Variants in GRWD1 observed in about 807,000 individuals in gnomAD.
GRWD1 encodes glutamate-rich WD repeat-containing protein 1.
In GRWD1, 29 loss-of-function variants were observed where a neutral mutation model predicts 45.3. That is an observed-to-expected ratio of 0.64 (90% CI 0.48 to 0.87). The LOEUF is 0.87. GRWD1 is among the 40% of genes least tolerant of loss of function. GRWD1 has a pLI of 0.00. For missense variants in GRWD1, 592 were observed against 618.8 expected, an observed-to-expected ratio of 0.96 and a Z score of 0.46; for synonymous variants, 262 against 257.6, an observed-to-expected ratio of 1.02 and a Z score of -0.16.
Position 48,446,201 on chromosome 19 carries a change from G to C in GRWD1, c.187+9G>C, listed in dbSNP as rs761500636. 2 of 1,591,916 alleles carry C rather than the reference G, an allele frequency of 1.3e-6. No individual in the cohort carries two copies. Among genetic ancestry groups the C allele is most frequent in the Admixed American group, 1.9e-5 (1 of 53,060 alleles). ...CCACCGAGCGCAGACTGGTAGGGCT[G>C]AGTCCGGACTCCAGGGTCCTGAGGT... On this transcript the variant is annotated intron_variant, in intron 1 of 6. Transcript: ENST00000253237.
In GRWD1 at chr19:48,446,435, C is replaced by T. The variant is rs1193297764; in HGVS notation, c.238C>T (p.Arg80Trp). 2 of 1,614,056 alleles carry T rather than the reference C, an allele frequency of 1.2e-6. No individual in the cohort carries two copies. The highest frequency in any genetic ancestry group is 1.7e-5 in the Admixed American group (1 of 59,998). ...DIVRDHLGDNRTELPLTLYLC... is the reference protein window; with the variant it reads ...DIVRDHLGDNWTELPLTLYLC... Reference sequence around the variant, plus strand: ...AGTCCGGGATCACCTGGGAGACAACCGGACAGAGCTTCCTCTTACACTTTA... The same window carrying T: ...AGTCCGGGATCACCTGGGAGACAACTGGACAGAGCTTCCTCTTACACTTTA... The change falls in exon 2 of 7, where the codon CGG (arginine) becomes TGG (tryptophan). Residue 80 changes from arginine to tryptophan, a missense_variant. Transcript: ENST00000253237.
chr19:48,447,426 A>G (rs1352545106), intron 3 of GRWD1, among the ~76,000 whole-genome samples: 4 of 152,062 alleles, frequency 2.6e-5, no homozygotes, highest in Non-Finnish European at 4.4e-5. Flanking sequence ...TATTCTTAGT[A>G]GGGACGGGGT....
chr19:48,446,523 A>G, intron 2 of GRWD1, 21 bp downstream of exon 2: 1 of 1,607,922 alleles, frequency 6.2e-7, no homozygotes, highest in Non-Finnish European at 8.5e-7. Context: ...AGGCTTTTCC[A>G]GGACCAGGAG....
rs138919242 is a variant in GRWD1 at position 48,451,368 on chromosome 19, C to A, written c.1023+137C>A. 327 of 746,866 alleles carry A rather than the reference C, an allele frequency of 4.4e-4. 1 individual carries two copies. In the African/African-American group the frequency reaches 5.1e-3, roughly 12 times the overall value. The allele number at this position is 746,866 out of a possible 1,614,324, so 46.3% of individuals were successfully genotyped here. The stretch of plus-strand genomic sequence containing the variant: ...CCTTAGAACTAGACTCCTGCCTCTT[C>A]AGGGTACAGAGGAGGAAACTGAGGC... On this transcript the variant is annotated intron_variant, in intron 6 of 6. Coordinates refer to ENST00000253237, the MANE Select transcript of GRWD1 (RefSeq NM_031485.4).
chr19:48,450,202 A>T lies in GRWD1; in HGVS notation c.469-111A>T. 1.2e-6 allele frequency: 1 copy of T among 800,348 alleles called. No individual in the cohort carries two copies. The highest frequency in any genetic ancestry group is 2.1e-6 in the Non-Finnish European group (1 of 487,748). The allele number at this position is 800,348 out of a possible 1,614,324, so 49.6% of individuals were successfully genotyped here. A position where few individuals can be genotyped will look rare whatever the true frequency, so the allele number is the denominator to read the frequency against. ...GGAGCTGTAGTCCCAGGCCTGGGAG[A>T]TCTGAGGAAGCGCACTTCTGGTTCT... On this transcript the variant is annotated intron_variant, in intron 3 of 6. Transcript: ENST00000253237. The surrounding 1 kb of genome is among the most constrained non-coding windows in gnomAD (Gnocchi z 5.1).
At chr19:48,449,680 A>G (rs991753147) in intron 3 of GRWD1, among the ~76,000 whole-genome samples, 2 of 152,112 alleles carry the variant, frequency 1.3e-5, no homozygotes, top group African/African-American at 4.8e-5. Flanking sequence ...TAAAAGCCAG[A>G]TGTGATGGTG....
intron 1 of GRWD1, 84 bp downstream of exon 1, chr19:48,446,276 G>A: frequency 6.4e-7 from 1 of 1,559,786 alleles, no homozygotes; most frequent in Non-Finnish European, 8.8e-7. Context: ...GAGAAGGCTG[G>A]GGTCTAAGAG....
At position 48,446,197 on chromosome 19, in the gene GRWD1, G is replaced by T. The variant is rs1396180312; in HGVS notation, c.187+5G>T. On this transcript the variant is annotated splice_donor_5th_base_variant and intron_variant, in intron 1 of 6. Transcript: ENST00000253237. ...TCTACCACCGAGCGCAGACTGGTAGGGCTGAGTCCGGACTCCAGGGTCCTG... is the reference window on the plus strand; with the variant it reads ...TCTACCACCGAGCGCAGACTGGTAGTGCTGAGTCCGGACTCCAGGGTCCTG... The T allele has an allele frequency of 6.3e-7, 1 of 1,592,386 alleles. No individual in the cohort carries two copies. The highest frequency in any genetic ancestry group is 8.5e-7 in the Non-Finnish European group (1 of 1,172,354).
rs750221357 is a variant in GRWD1, at chr19:48,451,217, C to G, written c.1009C>G (p.Leu337Val). 6.3e-7 allele frequency: 1 copy of G among 1,595,860 alleles called. No homozygotes were observed. Among genetic ancestry groups the G allele is most frequent in the Admixed American group, 1.7e-5 (1 of 58,040 alleles). Residue 337 changes from leucine (L) to valine (V), a missense_variant, in exon 6 of 7, where the codon CTT becomes GTT. By Grantham distance (32) the Leu-to-Val change is conservative. Coordinates refer to ENST00000253237, the MANE Select transcript of GRWD1 (RefSeq NM_031485.4). ...TGATGGGGCCCTCAAGATCTGGGAC[C>G]TTCGGCAGTTCAAGGTATTTTCCCA... ...GDDGALKIWDLRQFKSGSPVA... is the reference protein window; with the variant it reads ...GDDGALKIWDVRQFKSGSPVA...
chr19:48,453,751 T>C lies in GRWD1; in HGVS notation c.*726T>C, dbSNP rs1222317103. ...TCCAACACAATTTGCTTCTGCCCGT[T>C]GTCTTCCTGCCAGCTGGGTTTGGCC... is the stretch of plus-strand genomic sequence containing the variant. On this transcript the variant is annotated 3_prime_UTR_variant, in exon 7 of 7. Transcript: ENST00000253237. 6.6e-6 allele frequency: 1 copy of C among 152,284 alleles called. No individual in the cohort carries two copies. The highest frequency in any genetic ancestry group is 1.5e-5 in the Non-Finnish European group (1 of 68,100). 9.4% of individuals were successfully genotyped at this position (152,284 alleles called of 1,614,324 possible). A position where few individuals can be genotyped will look rare whatever the true frequency, so the allele number is the denominator to read the frequency against.
In GRWD1 at chr19:48,447,631, T is replaced by C. The variant is rs117243259; in HGVS notation, c.468+788T>C. On this transcript the variant is annotated intron_variant, in intron 3 of 6. Transcript: ENST00000253237. ...ACCTCGAGTGATTGATCCGCACGCC[T>C]CGGGCACCCAAAGTCATGGGATTAC... 1.5e-3 allele frequency among the ~76,000 whole-genome samples: 221 copies of C among 152,276 alleles called. 4 individuals are homozygous for C. In the East Asian group the frequency reaches 0.033, roughly 23 times the overall value.
rs1971494494 is a variant in GRWD1, at chr19:48,453,033, C to T, written c.*8C>T. 1 of 1,564,562 alleles carries T rather than the reference C, an allele frequency of 6.4e-7. No homozygotes were observed. The highest frequency in any genetic ancestry group is 8.7e-7 in the Non-Finnish European group (1 of 1,150,810). ...CGCACCATCAGCGTCTGAGGCGTCC[C>T]ACTGGCTCTGATCTTGCTTCCTGCT... is the stretch of plus-strand genomic sequence containing the variant. On this transcript the variant is annotated 3_prime_UTR_variant, in exon 7 of 7. Transcript: ENST00000253237.
In GRWD1 at chr19:48,452,680, GC is replaced by G; in HGVS notation, c.1024-25del. On this transcript the variant is annotated intron_variant, in intron 6 of 6. Coordinates refer to ENST00000253237, the MANE Select transcript of GRWD1 (RefSeq NM_031485.4). This position sits in a 1 kb window ranked among gnomAD's most constrained non-coding sequence, Gnocchi z 5.1. ...CCAGAGTCAGGCTGAGGCATTCAGA[GC>G]CCGTTCCTCCCATCCTCTCCCTCTA... 6.5e-7 allele frequency: 1 copy of G among 1,531,910 alleles called. No homozygotes were observed. The highest frequency in any genetic ancestry group is 8.8e-7 in the Non-Finnish European group (1 of 1,131,364). 94.9% of individuals were successfully genotyped at this position (1,531,910 alleles called of 1,614,324 possible). A position where few individuals can be genotyped will look rare whatever the true frequency, so the allele number is the denominator to read the frequency against.
rs777708503 is a variant in GRWD1, at chr19:48,450,400, G to A, written c.556G>A (p.Val186Met). The part of the protein sequence containing the change: ...EVFALRRLLQ[V>M]VEEPQALAAF... ...GTTTGCGCTGCGGCGGCTTCTGCAGGTGGTGGAGGAGCCCCAGGCCCTGGC... is the reference window on the plus strand; with the variant it reads ...GTTTGCGCTGCGGCGGCTTCTGCAGATGGTGGAGGAGCCCCAGGCCCTGGC... Residue 186 changes from valine to methionine, a missense_variant, in exon 4 of 7, where the codon GTG becomes ATG. Transcript: ENST00000253237. This position sits in a 1 kb window ranked among gnomAD's most constrained non-coding sequence, Gnocchi z 5.1. The A allele has an allele frequency of 1.9e-6, 3 of 1,613,918 alleles. No individual in the cohort carries two copies. Among genetic ancestry groups the A allele is most frequent in the Non-Finnish European group, 2.5e-6 (3 of 1,179,986 alleles).
rs1305349115 is a variant in GRWD1, at chr19:48,446,001, C to T, written c.-5C>T. ...ACCGGGTGTCAGCAGCGAGAGGGTT[C>T]GAAGATGGCGGCGCGCAAGGGTCGG... is the stretch of plus-strand genomic sequence containing the variant. On this transcript the variant is annotated 5_prime_UTR_variant, in exon 1 of 7. Transcript: ENST00000253237. 4 of 1,577,952 alleles carry T rather than the reference C, an allele frequency of 2.5e-6. No homozygotes were observed. Among genetic ancestry groups the T allele is most frequent in the East Asian group, 2.3e-5 (1 of 43,320 alleles).
At position 48,452,823 on chromosome 19, in the gene GRWD1, A is replaced by G. The variant is rs767313528; in HGVS notation, c.1139A>G (p.Gln380Arg). 2 of 1,613,676 alleles carry G rather than the reference A, an allele frequency of 1.2e-6. No individual in the cohort carries two copies. The highest frequency in any genetic ancestry group is 1.1e-5 in the South Asian group (1 of 91,054). Residue 380 changes from glutamine to arginine, a missense_variant, in exon 7 of 7, where the codon CAG becomes CGG. By Grantham distance (43) the Gln-to-Arg change is conservative (BLOSUM62 1). Coordinates refer to ENST00000253237, the MANE Select transcript of GRWD1 (RefSeq NM_031485.4). This position sits in a 1 kb window ranked among gnomAD's most constrained non-coding sequence, Gnocchi z 5.1. ...AASGADHQIT[Q>R]WDLAVERDPE... ...TCGGGTGCAGACCACCAGATCACAC[A>G]GTGGGACCTGGCAGTGGAGCGGGAC... is the stretch of plus-strand genomic sequence containing the variant.
Position 48,452,012 on chromosome 19 carries a change from A to G in GRWD1, c.1024-696A>G, listed in dbSNP as rs551752527. 6.6e-6 allele frequency among the ~76,000 whole-genome samples: 1 copy of G among 150,996 alleles called. No homozygotes were observed. The highest frequency in any genetic ancestry group is 2.0e-4 in the East Asian group (1 of 5,072). The stretch of plus-strand genomic sequence containing the variant: ...TCTTTCTTTGGGTCGGCTTCCGGGG[A>G]TTGTGTTTCTGCCTCCTTTGAGGCC... On this transcript the variant is annotated intron_variant, in intron 6 of 6. Coordinates refer to ENST00000253237, the MANE Select transcript of GRWD1 (RefSeq NM_031485.4). The surrounding 1 kb of genome is among the most constrained non-coding windows in gnomAD (Gnocchi z 5.1).
At position 48,452,203 on chromosome 19, in the gene GRWD1, G is replaced by A. The variant is rs1365962265; in HGVS notation, c.1024-505G>A. ...CAACCTCCCGCTCCTGGGTTCAAGC[G>A]ATTCTCCTGCCTCAGCCTCCTGAGT... On this transcript the variant is annotated intron_variant, in intron 6 of 6. Coordinates refer to ENST00000253237, the MANE Select transcript of GRWD1 (RefSeq NM_031485.4). This position sits in a 1 kb window ranked among gnomAD's most constrained non-coding sequence, Gnocchi z 5.1. 1.3e-5 allele frequency among the ~76,000 whole-genome samples: 2 copies of A among 151,584 alleles called. No individual in the cohort carries two copies. Among genetic ancestry groups the A allele is most frequent in the East Asian group, 1.9e-4 (1 of 5,150 alleles).
intron 6 of GRWD1, among the ~76,000 whole-genome samples, chr19:48,451,571 C>T (rs1203448905): frequency 6.6e-6 from 1 of 152,158 alleles, no homozygotes; most frequent in Non-Finnish European, 1.5e-5. Flanking sequence ...TTGTAGATTT[C>T]TAGATGCAAC....
Sources: allele counts gnomAD v4.1 joint callset (sites outside exome capture counted in the v4.1 genomes callset), GRCh38; gene constraint gnomAD v4.1.1; non-coding constraint Gnocchi (gnomAD v3.1); transcripts MANE v1.5; gene names NCBI Gene and HGNC (gene_info 2026-07-23, HGNC 2026-07-21).